Variants in KYNU observed in about 807,000 individuals in gnomAD.
KYNU encodes the protein L-kynurenine hydrolase.
KYNU carries 54 observed loss-of-function variants against 59.2 expected under a neutral mutation model. That is an observed-to-expected ratio of 0.91 (90% CI 0.73 to 1.14). The LOEUF is 1.14. Among genes scored for constraint, KYNU ranks in the 50% most tolerant of loss-of-function variants. KYNU has a pLI of 0.00. For missense variants in KYNU, 567 were observed against 554.4 expected, an observed-to-expected ratio of 1.02 and a Z score of -0.23; for synonymous variants, 177 against 192.0, an observed-to-expected ratio of 0.92 and a Z score of 0.65.
At chr2:142,987,007 AG>A (rs1422171282) in intron 10 of KYNU, among the ~76,000 whole-genome samples, 1 of 151,864 alleles carries the variant, frequency 6.6e-6, no homozygotes, top group African/African-American at 2.4e-5. Context: ...TTTAAACTTA[AG>A]ACAACATTTG....
chr2:142,986,894 C>A (rs1475965943), intron 10 of KYNU, among the ~76,000 whole-genome samples: 1 of 151,830 alleles, frequency 6.6e-6, no homozygotes, highest in African/African-American at 2.4e-5. Flanking sequence ...GGCTTTGGAG[C>A]ACCTCACATT....
chr2:142,961,275 CTTTTTT>C (rs1156276566), intron 8 of KYNU, among the ~76,000 whole-genome samples: 5 of 94,436 alleles, frequency 5.3e-5, no homozygotes, highest in African/African-American at 2.3e-4. Context: ...ATTTAAACTG[CTTTTTT>C]TTTTTTTTTT....
rs902662290 is a variant in KYNU, at chr2:142,942,175, GAA to G, written c.374-12624_374-12623del. ...CTGGGTGACAGAAAAAAAAAAAAAA[GAA>G]AAAAAAAAAAGAAAAATGTGTAACT... On this transcript the variant is annotated intron_variant, in intron 4 of 13. Transcript: ENST00000264170. 9.4e-3 allele frequency among the ~76,000 whole-genome samples: 1,110 copies of G among 118,490 alleles called. 8 individuals carry two copies. The highest frequency in any genetic ancestry group is 0.023 in the Middle Eastern group (6 of 258). The allele number at this position is 118,490 out of a possible 152,430, so 77.7% of individuals were successfully genotyped here.
chr2:143,013,060 A>G (rs75299115), intron 10 of KYNU, among the ~76,000 whole-genome samples: 4,088 of 152,070 alleles, frequency 0.027, 179 homozygotes, highest in African/African-American at 0.094. Context: ...CATAGGTGCT[A>G]TCACAGCACA....
Position 142,985,930 on chromosome 2 carries a change from A to T in KYNU, c.829-18A>T. On this transcript the variant is annotated intron_variant, in intron 9 of 13. Coordinates refer to ENST00000264170, the MANE Select transcript of KYNU (RefSeq NM_003937.3). ...ATATTTAAGTAAACCCACATAATTT[A>T]ATTTATTTTCAATCTAGTATTTAAA... 1 of 1,556,402 alleles carries T rather than the reference A, an allele frequency of 6.4e-7. No individual in the cohort carries two copies. The highest frequency in any genetic ancestry group is 8.9e-7 in the Non-Finnish European group (1 of 1,129,392).
At chr2:142,959,604 A>C in intron 7 of KYNU, among the ~76,000 whole-genome samples, 1 of 152,124 alleles carries the variant, frequency 6.6e-6, no homozygotes, top group Admixed American at 6.5e-5. Context: ...AAAAAAAATT[A>C]TGAAAACTTC....
intron 4 of KYNU, 74 bp from the exon 5 acceptor site, chr2:142,954,736 G>A (rs557501210): frequency 3.2e-6 from 3 of 929,136 alleles, no homozygotes; most frequent in Non-Finnish European, 3.6e-6. Context: ...ATTGAGTGAA[G>A]TCTTCCTACT....
intron 8 of KYNU, among the ~76,000 whole-genome samples, chr2:142,961,180 A>G (rs140479771): frequency 4.9e-4 from 72 of 147,198 alleles, no homozygotes; most frequent in Middle Eastern, 3.4e-3. Flanking sequence ...GCAACAGAGC[A>G]AGACTCCATC....
chr2:142,972,791 C>CATATAT lies in KYNU; in HGVS notation c.729+12039_729+12044dup, dbSNP rs72267912. Among the ~76,000 whole-genome samples the CATATAT allele has an allele frequency of 3.7e-3, 498 of 135,342 alleles. 3 individuals carry two copies. The highest frequency in any genetic ancestry group is 4.8e-3 in the Non-Finnish European group (309 of 64,000). The allele number at this position is 135,342 out of a possible 152,430, so 88.8% of individuals were successfully genotyped here. On this transcript the variant is annotated intron_variant, in intron 8 of 13. Transcript: ENST00000264170. ...TTATGTAGACTACAGAGACAGAGGC[C>CATATAT]ATATATATATATATATATATATAGA...
intron 10 of KYNU, among the ~76,000 whole-genome samples, chr2:142,993,767 A>G (rs529686374): frequency 5.5e-4 from 83 of 152,148 alleles, no homozygotes; most frequent in African/African-American, 1.9e-3. Flanking sequence ...TTTTAACTCC[A>G]GAGATGAAGT....
chr2:142,979,985 G>C (rs780345801), intron 8 of KYNU, among the ~76,000 whole-genome samples: 4 of 152,054 alleles, frequency 2.6e-5, no homozygotes, highest in Non-Finnish European at 5.9e-5. Flanking sequence ...GAGGACTGCT[G>C]GTTGCCCATT....
At chr2:142,948,005 C>T (rs1255694683) in intron 4 of KYNU, 3 of 152,164 alleles carry the variant, frequency 2.0e-5, no homozygotes, top group East Asian at 1.9e-4. Context: ...TCTATTTTCT[C>T]AATTGAAATG....
chr2:143,029,760 G>A lies in KYNU; in HGVS notation c.955+81G>A, dbSNP rs964993261. On this transcript the variant is annotated intron_variant, in intron 11 of 13. Coordinates refer to ENST00000264170, the MANE Select transcript of KYNU (RefSeq NM_003937.3). ...CATCTGTCTTTGTATTATGTGTAAT[G>A]TATATGCCCCAGGGAGAGTGCACTT... The A allele has an allele frequency of 9.5e-6, 8 of 846,160 alleles. No individual in the cohort carries two copies. The South Asian group carries it at 1.1e-4, about 11-fold the overall frequency. The allele number at this position is 846,160 out of a possible 1,614,324, so 52.4% of individuals were successfully genotyped here.
chr2:142,980,402 G>C (rs764585835), intron 8 of KYNU, among the ~76,000 whole-genome samples: 8 of 151,986 alleles, frequency 5.3e-5, no homozygotes, highest in Admixed American at 2.0e-4. Flanking sequence ...CTCATCCTGT[G>C]ACTTAGAATG....
intron 10 of KYNU, among the ~76,000 whole-genome samples, chr2:143,021,186 T>C (rs902267848): frequency 7.2e-5 from 11 of 152,164 alleles, no homozygotes; most frequent in African/African-American, 2.2e-4. Flanking sequence ...ATTAACCCTT[T>C]TTAATATGAG....
intron 1 of KYNU, among the ~76,000 whole-genome samples, chr2:142,881,024 C>T (rs977388562): frequency 3.9e-5 from 6 of 152,246 alleles, no homozygotes; most frequent in Middle Eastern, 3.4e-3. Context: ...CAGAGGAAGA[C>T]GGGCTACTTT....
At chr2:143,017,473 G>T (rs2105212836) in intron 10 of KYNU, among the ~76,000 whole-genome samples, 1 of 84,790 alleles carries the variant, frequency 1.2e-5, no homozygotes. Context: ...TGGAGTTTCA[G>T]TCTTGTTGCC....
rs553067654 is a variant in KYNU at position 142,990,353 on chromosome 2, T to C, written c.902+4332T>C. Among the ~76,000 whole-genome samples the C allele has an allele frequency of 2.5e-4, 38 of 151,982 alleles. 1 individual carries two copies. Among genetic ancestry groups the C allele is most frequent in the Middle Eastern group, 6.8e-3 (2 of 294 alleles). ...AAATAACATTGTAAATTTTGAATGT[T>C]TTAAAAAAAGTTACAAATGTTAACC... On this transcript the variant is annotated intron_variant, in intron 10 of 13. Coordinates refer to ENST00000264170, the MANE Select transcript of KYNU (RefSeq NM_003937.3).
intron 8 of KYNU, among the ~76,000 whole-genome samples, chr2:142,965,034 T>A (rs754676830): frequency 2.0e-5 from 3 of 152,230 alleles, no homozygotes; most frequent in Non-Finnish European, 4.4e-5. Context: ...TAATTGTAGA[T>A]GTTTCTGATT....
Sources: gnomAD v4.1 joint callset for allele counts (sites outside exome capture counted in the v4.1 genomes callset) on GRCh38, gnomAD v4.1.1 for gene constraint, MANE v1.5 for transcripts, NCBI Gene and HGNC (gene_info 2026-07-23, HGNC 2026-07-21) for gene names.